The following NTRK3 variants were observed in gnomAD, a reference collection of about 807,000 sequenced individuals.
NTRK3 encodes the protein neurotrophic receptor tyrosine kinase 3.
NTRK3 carries 24 observed loss-of-function variants against 91.7 expected under a neutral mutation model. The ratio of observed to expected loss-of-function variants is 0.26; its 90% CI spans 0.19 to 0.37. The LOEUF (loss-of-function observed/expected upper bound fraction) is 0.37, where lower values mean the gene tolerates loss of function less well. Among genes scored for constraint, NTRK3 ranks in the 10% least tolerant of loss-of-function variants. The pLI, the probability that NTRK3 is intolerant of heterozygous loss-of-function variation, is 1.00. For synonymous variants in NTRK3, 483 were observed against 404.0 expected, an observed-to-expected ratio of 1.20 and a Z score of -2.34; for missense variants, 880 against 1,068.9, an observed-to-expected ratio of 0.82 and a Z score of 2.46.
intron 14 of NTRK3, among the ~76,000 whole-genome samples, chr15:87,997,712 G>T (rs2075804758): frequency 6.6e-6 from 1 of 152,150 alleles, no homozygotes; most frequent in African/African-American, 2.4e-5. Flanking sequence ...ATATGAAATT[G>T]AGGTACGTTT....
At chr15:88,068,999 G>A (rs541502344) in intron 13 of NTRK3, among the ~76,000 whole-genome samples, 9 of 152,306 alleles carry the variant, frequency 5.9e-5, no homozygotes, top group African/African-American at 2.2e-4. Context: ...AAGCCACAAA[G>A]CAAGCCAAGA....
At chr15:87,873,259 G>T (rs767216339) in exon 19 of NTRK3, 7 of 231,178 alleles carry the variant, frequency 3.0e-5, no homozygotes, top group Non-Finnish European at 5.1e-5. Context: ...AGTAATTTGT[G>T]CATGATCTGC....
chr15:88,128,859 A>G (rs1165500888), intron 10 of NTRK3, 125 bp from the exon 11 acceptor site: 1 of 854,892 alleles, frequency 1.2e-6, no homozygotes, highest in Non-Finnish European at 2.0e-6. Context: ...GGCAACTGAC[A>G]AACTAAAATG....
rs547978674 is a variant in NTRK3 at position 88,174,528 on chromosome 15, G to A, written c.395+8890C>T. Reference sequence around the variant, plus strand: ...ATTCACTCTGTGAAAATCCTATTCCGTGGACAAATGGCTCCATTTCCAAAT... The same window carrying A: ...ATTCACTCTGTGAAAATCCTATTCCATGGACAAATGGCTCCATTTCCAAAT... On this transcript the variant is annotated intron_variant, in intron 5 of 18. Transcript: ENST00000394480. Among the ~76,000 whole-genome samples, 10 of 152,166 alleles carry A rather than the reference G, an allele frequency of 6.6e-5. 1 individual carries two copies. The East Asian group carries it at 1.2e-3, about 18-fold the overall frequency.
At chr15:87,908,594 G>T in intron 17 of NTRK3, 1 of 399,550 alleles carries the variant, frequency 2.5e-6, no homozygotes. Flanking sequence ...AGAGTGGGAA[G>T]GGGGAGAGAG....
chr15:87,941,369 G>A (rs973801550), intron 14 of NTRK3, among the ~76,000 whole-genome samples: 2 of 152,146 alleles, frequency 1.3e-5, no homozygotes, highest in African/African-American at 2.4e-5. Context: ...CTGAATTCTT[G>A]TGAAGATTAA....
chr15:87,872,682 C>T, exon 19 of NTRK3: 1 of 232,746 alleles, frequency 4.3e-6, no homozygotes, highest in East Asian at 6.0e-5. Flanking sequence ...GCCTGGCTCC[C>T]TGTACAATAT....
chr15:87,974,674 G>T (rs576462381), intron 14 of NTRK3, among the ~76,000 whole-genome samples: 1 of 152,256 alleles, frequency 6.6e-6, no homozygotes, highest in South Asian at 2.1e-4. Context: ...CCAACTGTAA[G>T]ACATGTGATT....
intron 5 of NTRK3, among the ~76,000 whole-genome samples, chr15:88,158,211 A>G (rs536112929): frequency 4.6e-5 from 7 of 152,332 alleles, no homozygotes; most frequent in African/African-American, 1.4e-4. Context: ...GCACTCAGTG[A>G]ACATGCTCTG....
chr15:88,187,832 G>A (rs778498756), intron 3 of NTRK3, among the ~76,000 whole-genome samples: 87 of 151,834 alleles, frequency 5.7e-4, no homozygotes, highest in Non-Finnish European at 8.7e-4. Flanking sequence ...TACTCAGGAG[G>A]CTGAGGCAGG....
intron 3 of NTRK3, among the ~76,000 whole-genome samples, chr15:88,248,919 G>C (rs1175915377): frequency 6.6e-6 from 1 of 152,180 alleles, no homozygotes; most frequent in African/African-American, 2.4e-5. Context: ...CTTCAACAGG[G>C]TGCTTACATA....
chr15:88,137,342 C>T (rs2041971346), intron 7 of NTRK3, 62 bp downstream of exon 7: 1 of 1,592,294 alleles, frequency 6.3e-7, no homozygotes, highest in Non-Finnish European at 8.6e-7. Context: ...CGTCCAGCAC[C>T]ATCTCTGGTG....
chr15:88,225,870 C>T (rs558608875), intron 3 of NTRK3, among the ~76,000 whole-genome samples: 2 of 152,144 alleles, frequency 1.3e-5, no homozygotes, highest in Admixed American at 6.5e-5. Flanking sequence ...CCTGGGGGTC[C>T]GATAGGCTGC....
At chr15:88,028,468 G>T (rs2078232462) in intron 14 of NTRK3, among the ~76,000 whole-genome samples, 2 of 152,164 alleles carry the variant, frequency 1.3e-5, no homozygotes, top group South Asian at 4.2e-4. Context: ...GAGTGGAGGG[G>T]CTCCTGGGGA....
exon 19 of NTRK3, chr15:87,861,786 T>G (rs148576496): frequency 4.2e-4 from 83 of 197,918 alleles, no homozygotes; most frequent in African/African-American, 1.8e-3. Context: ...GAAAAAGTAC[T>G]GAGAATCTTT....
At chr15:88,154,320 G>A (rs2043683098) in intron 5 of NTRK3, among the ~76,000 whole-genome samples, 1 of 152,080 alleles carries the variant, frequency 6.6e-6, no homozygotes, top group Non-Finnish European at 1.5e-5. Context: ...TGAAGCAGTG[G>A]GAAGGAAGGA....
intron 14 of NTRK3, among the ~76,000 whole-genome samples, chr15:87,946,874 C>A (rs376181193): frequency 2.1e-4 from 18 of 85,438 alleles, no homozygotes; most frequent in Non-Finnish European, 3.1e-4. Context: ...TTCGTGGGTT[C>A]TTTTTTTTTT....
chr15:87,867,205 T>C (rs2141393191), exon 19 of NTRK3: 1 of 225,776 alleles, frequency 4.4e-6, no homozygotes, highest in East Asian at 6.4e-5. Context: ...AAGATACTGA[T>C]GGCTGGGAGA....
chr15:88,163,432 C>A (rs1414433076), intron 5 of NTRK3, among the ~76,000 whole-genome samples: 2 of 152,202 alleles, frequency 1.3e-5, no homozygotes, highest in Non-Finnish European at 2.9e-5. Flanking sequence ...ACCACCACCT[C>A]CAGACCACTG....
Sources: gnomAD v4.1 joint callset for allele counts (sites outside exome capture counted in the v4.1 genomes callset) on GRCh38, gnomAD v4.1.1 for gene constraint, MANE v1.5 for transcripts, NCBI Gene and HGNC (gene_info 2026-07-23, HGNC 2026-07-21) for gene names.